The following RASA1 variants were observed in gnomAD, a reference collection of about 807,000 sequenced individuals.
RASA1 encodes RAS p21 protein activator 1.
In RASA1, 25 loss-of-function variants were observed where a neutral mutation model predicts 132.2. That is an observed-to-expected ratio of 0.19 (90% CI 0.14 to 0.26). The LOEUF is 0.26. Among genes scored for constraint, RASA1 ranks in the 10% least tolerant of loss-of-function variants. RASA1 has a pLI of 1.00. For missense variants in RASA1, 964 were observed against 1,299.2 expected (o/e 0.74, Z 3.97); for synonymous variants, 477 against 449.9 (o/e 1.06, Z -0.76).
chr5:87,372,088 ATTTC>A, intron 12 of RASA1, 26 bp from the exon 13 acceptor site: 4 of 1,602,836 alleles, frequency 2.5e-6, no homozygotes, highest in Non-Finnish European at 3.4e-6. Flanking sequence ...ACTAGTGTAT[ATTTC>A]TTTGAAGTGC....
rs534320528 is a variant in RASA1, at chr5:87,314,596, T to A, written c.540-16752T>A. Among the ~76,000 whole-genome samples, 5 of 152,254 alleles carry A rather than the reference T, an allele frequency of 3.3e-5. No individual in the cohort carries two copies. The South Asian group carries it at 1.0e-3, about 32-fold the overall frequency. On this transcript the variant is annotated intron_variant, in intron 1 of 24. Coordinates refer to ENST00000274376, the MANE Select transcript of RASA1 (RefSeq NM_002890.3). ...TCCATCAGGTTGAATTGTATTTAAT[T>A]TTTTGGTCTTAAAAAAACCAGCAAT... is the stretch of plus-strand genomic sequence containing the variant.
Position 87,358,456 on chromosome 5 carries a change from T to TC in RASA1, c.1333-4094dup, listed in dbSNP as rs147416495. 1.7e-3 allele frequency among the ~76,000 whole-genome samples: 260 copies of TC among 152,340 alleles called. 1 individual carries two copies. The highest frequency in any genetic ancestry group is 0.017 in the Middle Eastern group (5 of 294). On this transcript the variant is annotated intron_variant, in intron 9 of 24. Transcript: ENST00000274376. ...ATCATCCTCAATTCTTCTCTTTTTT[T>TC]CTTCCTGTACTTTATATCTAACCTG...
intron 14 of RASA1, 137 bp downstream of exon 14, chr5:87,374,457 ATATTT>A: frequency 2.5e-5 from 6 of 243,968 alleles, no homozygotes; most frequent in South Asian, 1.5e-4. Context: ...ATATATATAT[ATATTT>A]TTTTTTTTTT....
chr5:87,294,997 GT>G (rs777260647), intron 1 of RASA1, among the ~76,000 whole-genome samples: 1 of 151,278 alleles, frequency 6.6e-6, no homozygotes, highest in Non-Finnish European at 1.5e-5. Context: ...TGAAGTTCTG[GT>G]TTTTTTTTAT....
chr5:87,268,120 C>T lies in RASA1; in HGVS notation c.-332C>T, dbSNP rs976375930. 7.1e-6 allele frequency: 3 copies of T among 422,392 alleles called. No homozygotes were observed. The highest frequency in any genetic ancestry group is 4.1e-5 in the African/African-American group (2 of 48,802). The allele number at this position is 422,392 out of a possible 1,614,324, so 26.2% of individuals were successfully genotyped here. ...AGCAGCCTCAGCCTCTTTCCCTGTG[C>T]TTCCTTTCCTCTTTAGTGCAGCGAG... On this transcript the variant is annotated 5_prime_UTR_variant, in exon 1 of 25. Transcript: ENST00000274376.
chr5:87,284,927 T>C (rs895801856), intron 1 of RASA1, among the ~76,000 whole-genome samples: 5 of 152,090 alleles, frequency 3.3e-5, no homozygotes, highest in Admixed American at 2.0e-4. Flanking sequence ...ATTTTTGTTT[T>C]GACATTGTTT....
At chr5:87,390,163 C>T (rs1448060207) in intron 24 of RASA1, among the ~76,000 whole-genome samples, 2 of 152,100 alleles carry the variant, frequency 1.3e-5, no homozygotes, top group Non-Finnish European at 2.9e-5. Flanking sequence ...GACTTAATAC[C>T]AGGTCAATTA....
In RASA1 at chr5:87,353,046, T is replaced by C. The variant is rs1174523983; in HGVS notation, c.1254-111T>C. 5.3e-6 allele frequency: 4 copies of C among 758,278 alleles called. No homozygotes were observed. In the Admixed American group the frequency reaches 9.0e-5, roughly 17 times the overall value. 47.0% of individuals were successfully genotyped at this position (758,278 alleles called of 1,614,324 possible). ...TATTAATGTATTTGTGTTATGTGCT[T>C]TGAAAAAAATTTGCTAATTAGATAA... On this transcript the variant is annotated intron_variant, in intron 8 of 24. Coordinates refer to ENST00000274376, the MANE Select transcript of RASA1 (RefSeq NM_002890.3).
chr5:87,302,346 CT>C (rs903036337), intron 1 of RASA1, among the ~76,000 whole-genome samples: 2 of 151,870 alleles, frequency 1.3e-5, no homozygotes, highest in Non-Finnish European at 2.9e-5. Context: ...TCTATAACCT[CT>C]TTCATGAAGA....
At chr5:87,358,805 A>C (rs1759851486) in intron 9 of RASA1, among the ~76,000 whole-genome samples, 1 of 151,856 alleles carries the variant, frequency 6.6e-6, no homozygotes, top group South Asian at 2.1e-4. Flanking sequence ...CTGTATTATT[A>C]TTTGTAAATA....
chr5:87,327,087 C>A (rs2112353821), intron 1 of RASA1, among the ~76,000 whole-genome samples: 1 of 152,228 alleles, frequency 6.6e-6, no homozygotes, highest in East Asian at 1.9e-4. Context: ...ATTAATTAAG[C>A]TAATATTTAC....
At chr5:87,369,249 A>G (rs1760749782) in intron 11 of RASA1, among the ~76,000 whole-genome samples, 1 of 152,186 alleles carries the variant, frequency 6.6e-6, no homozygotes, top group Admixed American at 6.5e-5. Flanking sequence ...TTGTACTTAC[A>G]TATCAAATGA....
At chr5:87,295,016 C>T (rs942766522) in intron 1 of RASA1, among the ~76,000 whole-genome samples, 9 of 151,894 alleles carry the variant, frequency 5.9e-5, no homozygotes, top group African/African-American at 2.2e-4. Flanking sequence ...TATTTTTACT[C>T]TTCATTGTTA....
At chr5:87,335,321 A>C (rs1465041965) in intron 4 of RASA1, among the ~76,000 whole-genome samples, 2 of 151,956 alleles carry the variant, frequency 1.3e-5, no homozygotes, top group South Asian at 2.1e-4. Context: ...TTGAGTAAAA[A>C]TTTGAATTTT....
At chr5:87,359,916 A>G (rs1759942818) in intron 9 of RASA1, among the ~76,000 whole-genome samples, 1 of 152,166 alleles carries the variant, frequency 6.6e-6, no homozygotes, top group South Asian at 2.1e-4. Context: ...TGCAACTAAC[A>G]GTTCTTCACC....
intron 4 of RASA1, among the ~76,000 whole-genome samples, chr5:87,334,204 C>T (rs1405013106): frequency 6.6e-6 from 1 of 152,122 alleles, no homozygotes; most frequent in Non-Finnish European, 1.5e-5. Flanking sequence ...TGGTATAATT[C>T]AGTCTACATC....
At position 87,268,840 on chromosome 5, in the gene RASA1, C is replaced by T; in HGVS notation, c.389C>T (p.Pro130Leu). Residue 130 changes from proline to leucine, a missense_variant, in exon 1 of 25, where the codon CCA becomes CTA. Pro to Leu is a moderately conservative substitution (Grantham distance 98). Coordinates refer to ENST00000274376, the MANE Select transcript of RASA1 (RefSeq NM_002890.3). ...TCGTTGCTTGCTGAGACTCTCGGGC[C>T]AGGCGGCGGTTTTCCCCCTCTGCCC... ...PTSLLAETLG[P>L]GGGFPPLPPP... 1 of 1,614,154 alleles carries T rather than the reference C, an allele frequency of 6.2e-7. No homozygotes were observed. Among genetic ancestry groups the T allele is most frequent in the Non-Finnish European group, 8.5e-7 (1 of 1,180,036 alleles).
In RASA1 at chr5:87,268,847, C is replaced by T. The variant is rs898128418; in HGVS notation, c.396C>T (p.Gly132=). ...TTGCTGAGACTCTCGGGCCAGGCGG[C>T]GGTTTTCCCCCTCTGCCCCCTCCCC... is the stretch of plus-strand genomic sequence containing the variant. The part of the protein sequence containing the change: ...SLLAETLGPG[G]GFPPLPPPPY... Residue 132 remains glycine, a synonymous_variant, in exon 1 of 25, where the codon GGC becomes GGT. Coordinates refer to ENST00000274376, the MANE Select transcript of RASA1 (RefSeq NM_002890.3). 14 of 1,613,976 alleles carry T rather than the reference C, an allele frequency of 8.7e-6. No individual in the cohort carries two copies. In the African/African-American group the frequency reaches 1.7e-4, roughly 20 times the overall value.
chr5:87,386,774 TCAAA>T (rs1158017360), intron 22 of RASA1, 48 bp from the exon 23 acceptor site: 2 of 1,504,136 alleles, frequency 1.3e-6, no homozygotes, highest in African/African-American at 2.8e-5. Context: ...ACCTAATAGA[TCAAA>T]CAGTGGTTTG....
Sources: allele counts gnomAD v4.1 joint callset (sites outside exome capture counted in the v4.1 genomes callset), GRCh38; gene constraint gnomAD v4.1.1; transcripts MANE v1.5; gene names NCBI Gene and HGNC (gene_info 2026-07-23, HGNC 2026-07-21).